Variants in C12orf54 observed in about 807,000 individuals in gnomAD.
C12orf54 encodes the protein chromosome 12 open reading frame 54.
Under a neutral mutation model 26.4 loss-of-function variants are expected in C12orf54, and 24 were observed. That is an observed-to-expected ratio of 0.91 (90% CI 0.66 to 1.28). The LOEUF (loss-of-function observed/expected upper bound fraction) is 1.28. Ranked by LOEUF, C12orf54 falls within the 50% of genes most tolerant of loss-of-function variation. C12orf54 has a pLI of 0.00. For synonymous variants in C12orf54, 54 were observed against 47.0 expected (o/e 1.15, Z -0.61); for missense variants, 154 against 150.9 (o/e 1.02, Z -0.11).
the C12orf54 span, among the ~76,000 whole-genome samples, chr12:48,421,510 T>G: frequency 1.6e-5 from 2 of 128,242 alleles, no homozygotes; most frequent in Non-Finnish European, 1.6e-5. Flanking sequence ...CCATATCATG[T>G]GCTTTTTTTT....
At chr12:48,430,744 C>A in the C12orf54 span, among the ~76,000 whole-genome samples, 2 of 152,156 alleles carry the variant, frequency 1.3e-5, no homozygotes, top group Non-Finnish European at 2.9e-5. Flanking sequence ...TGTGGAGATT[C>A]CTTAAAGAGC....
chr12:48,452,089 G>T, the C12orf54 span, among the ~76,000 whole-genome samples: 1 of 152,006 alleles, frequency 6.6e-6, no homozygotes, highest in African/African-American at 2.4e-5. Flanking sequence ...AAACTATACT[G>T]CAGGGATACA....
chr12:48,451,596 C>T, the C12orf54 span, among the ~76,000 whole-genome samples: 1 of 152,162 alleles, frequency 6.6e-6, no homozygotes, highest in Non-Finnish European at 1.5e-5. Flanking sequence ...AAAACCCAAT[C>T]ATCTCAGCCC....
the C12orf54 span, among the ~76,000 whole-genome samples, chr12:48,468,915 G>A: frequency 6.6e-6 from 1 of 152,130 alleles, no homozygotes; most frequent in Admixed American, 6.5e-5. Context: ...CATGTCGGCA[G>A]GTTCCATGAT....
At chr12:48,433,893 T>A in the C12orf54 span, among the ~76,000 whole-genome samples, 1 of 152,218 alleles carries the variant, frequency 6.6e-6, no homozygotes, top group African/African-American at 2.4e-5. Flanking sequence ...TTCATCTCAC[T>A]GAGGCTTGTT....
the C12orf54 span, among the ~76,000 whole-genome samples, chr12:48,425,440 G>T: frequency 6.6e-6 from 1 of 152,116 alleles, no homozygotes; most frequent in Admixed American, 6.6e-5. Flanking sequence ...GCATTCTGTG[G>T]TGAAAATGTA....
chr12:48,415,022 G>A, the C12orf54 span, among the ~76,000 whole-genome samples: 4 of 152,092 alleles, frequency 2.6e-5, no homozygotes, highest in Non-Finnish European at 5.9e-5. Flanking sequence ...TAATACATGA[G>A]CCCCATTCAG....
chr12:48,452,480 C>A, the C12orf54 span, among the ~76,000 whole-genome samples: 20,154 of 133,484 alleles, frequency 0.15, 2,543 homozygotes, highest in East Asian at 0.68. Context: ...CAAAAATTGA[C>A]AAATGGGATC....
At chr12:48,485,960 G>A (rs556645242) in intron 2 of C12orf54, among the ~76,000 whole-genome samples, 209 of 152,046 alleles carry the variant, frequency 1.4e-3, no homozygotes, top group African/African-American at 4.7e-3. Context: ...GTTCTCAAAG[G>A]GCTTCCACAA....
the C12orf54 span, among the ~76,000 whole-genome samples, chr12:48,436,390 T>A: frequency 3.3e-5 from 5 of 152,112 alleles, no homozygotes; most frequent in Non-Finnish European, 7.4e-5. Flanking sequence ...TATTGAACTC[T>A]GCTCTGCACC....
the C12orf54 span, among the ~76,000 whole-genome samples, chr12:48,475,793 G>C: frequency 4.1e-4 from 62 of 152,332 alleles, 1 homozygote; most frequent in African/African-American, 1.4e-3. Flanking sequence ...AAGTGACAGG[G>C]AGAATGGAAC....
At chr12:48,428,651 A>G in the C12orf54 span, among the ~76,000 whole-genome samples, 1 of 152,232 alleles carries the variant, frequency 6.6e-6, no homozygotes, top group Admixed American at 6.5e-5. Flanking sequence ...GACCAATAAC[A>G]AGCAGTGAGA....
At chr12:48,457,350 TTG>T in the C12orf54 span, among the ~76,000 whole-genome samples, 1 of 152,102 alleles carries the variant, frequency 6.6e-6, no homozygotes, top group African/African-American at 2.4e-5. Context: ...TGTTTGTTTT[TTG>T]AGATGGAGTT....
chr12:48,477,295 G>T, the C12orf54 span, among the ~76,000 whole-genome samples: 5 of 152,248 alleles, frequency 3.3e-5, no homozygotes, highest in East Asian at 3.9e-4. Flanking sequence ...GAGAAAGCAG[G>T]AAAGATCTAA....
the C12orf54 span, among the ~76,000 whole-genome samples, chr12:48,468,201 C>G: frequency 1.3e-5 from 2 of 152,032 alleles, no homozygotes; most frequent in South Asian, 2.1e-4. Context: ...GAGTAAAGGG[C>G]AAGTGGTGGC....
chr12:48,461,457 A>G, the C12orf54 span, among the ~76,000 whole-genome samples: 9,766 of 151,916 alleles, frequency 0.064, 1,053 homozygotes, highest in African/African-American at 0.22. Context: ...TATACATGGA[A>G]TATTTTCTGA....
At chr12:48,417,638 T>C in the C12orf54 span, among the ~76,000 whole-genome samples, 3 of 152,204 alleles carry the variant, frequency 2.0e-5, no homozygotes, top group African/African-American at 7.2e-5. Flanking sequence ...TACAAGGGTA[T>C]ATTGTGTGAT....
At chr12:48,490,161 A>G (rs1401298605) in intron 5 of C12orf54, among the ~76,000 whole-genome samples, 1 of 152,222 alleles carries the variant, frequency 6.6e-6, no homozygotes, top group Non-Finnish European at 1.5e-5. Flanking sequence ...AAAAGATGTG[A>G]GGCCTTGGTA....
chr12:48,494,703 T>C, intron 7 of C12orf54, 95 bp from the exon 8 acceptor site: 1 of 1,323,772 alleles, frequency 7.6e-7, no homozygotes, highest in African/African-American at 1.5e-5. Flanking sequence ...GGGAGTGTAA[T>C]AATAGAATCT....
Sources: gnomAD v4.1 joint callset for allele counts (sites outside exome capture counted in the v4.1 genomes callset) on GRCh38, gnomAD v4.1.1 for gene constraint, MANE v1.5 for transcripts, NCBI Gene and HGNC (gene_info 2026-07-23, HGNC 2026-07-21) for gene names.